The following ANKFN1 variants were observed in gnomAD, a reference collection of about 807,000 sequenced individuals.
ANKFN1 encodes the protein ankyrin repeat and fibronectin type III domain containing 1, also known as ankyrin repeat and fibronectin type-III domain-containing protein 1.
Under a neutral mutation model 108.7 loss-of-function variants are expected in ANKFN1, and 74 were observed. The observed-to-expected ratio is 0.68, with a 90% CI of 0.56 to 0.83. The LOEUF (loss-of-function observed/expected upper bound fraction) is 0.83. ANKFN1 is among the 40% of genes least tolerant of loss of function. ANKFN1 has a pLI of 0.00. For missense variants in ANKFN1, 1,505 were observed against 1,382.3 expected, an observed-to-expected ratio of 1.09 and a Z score of -1.41; for synonymous variants, 547 against 516.2, an observed-to-expected ratio of 1.06 and a Z score of -0.81.
In ANKFN1 at chr17:56,240,146, C is replaced by G. The variant is rs531022417; in HGVS notation, c.53+12189C>G. Among the ~76,000 whole-genome samples the G allele has an allele frequency of 4.1e-4, 62 of 152,088 alleles. 1 individual carries two copies. The South Asian group carries it at 0.012, about 30-fold the overall frequency. On this transcript the variant is annotated intron_variant, in intron 3 of 20. Coordinates refer to ENST00000682825, the MANE Select transcript of ANKFN1 (RefSeq NM_001370326.1). ...TAAATTACTTTAAATATAATTAAGT[C>G]TTCATATGCCCCCTTTCCTGGTCTG...
At chr17:56,379,544 T>C (rs1391810443) in intron 8 of ANKFN1, among the ~76,000 whole-genome samples, 1 of 152,240 alleles carries the variant, frequency 6.6e-6, no homozygotes, top group Admixed American at 6.5e-5. Flanking sequence ...ATTTTGTTTA[T>C]GTGCTCTAAT....
intron 1 of ANKFN1, among the ~76,000 whole-genome samples, chr17:56,158,092 T>C (rs1909283743): frequency 1.3e-5 from 2 of 152,228 alleles, no homozygotes; most frequent in African/African-American, 4.8e-5. Context: ...ACTGATCCAA[T>C]GAACAGATGT....
At chr17:56,050,966 C>T (rs1201502335) in intron 4 of ANKFN1, among the ~76,000 whole-genome samples, 2 of 135,140 alleles carry the variant, frequency 1.5e-5, no homozygotes, top group Non-Finnish European at 3.1e-5. Flanking sequence ...CAGATGGATT[C>T]ACAGCCGAAT....
chr17:56,414,882 TG>T (rs2048195094), intron 8 of ANKFN1, among the ~76,000 whole-genome samples: 1 of 152,012 alleles, frequency 6.6e-6, no homozygotes, highest in South Asian at 2.1e-4. Flanking sequence ...TAGCTAGGTG[TG>T]GTGATGTGTA....
intron 4 of ANKFN1, among the ~76,000 whole-genome samples, chr17:56,337,318 G>T (rs1396578825): frequency 6.6e-6 from 1 of 152,070 alleles, no homozygotes; most frequent in African/African-American, 2.4e-5. Flanking sequence ...TGACAATGGG[G>T]TATTAAAGTC....
At chr17:56,273,938 A>G (rs990562918) in intron 3 of ANKFN1, among the ~76,000 whole-genome samples, 2 of 152,154 alleles carry the variant, frequency 1.3e-5, no homozygotes, top group Admixed American at 1.3e-4. Context: ...CTCTCCCTCT[A>G]TTTCTTGACA....
chr17:56,175,889 G>T (rs1598182357), intron 1 of ANKFN1, among the ~76,000 whole-genome samples: 1 of 118,842 alleles, frequency 8.4e-6, no homozygotes, highest in East Asian at 2.9e-4. Flanking sequence ...CAGACGGTTT[G>T]AAATGGCTAG....
intron 10 of ANKFN1, among the ~76,000 whole-genome samples, chr17:56,448,486 C>G (rs941272332): frequency 1.3e-5 from 2 of 152,174 alleles, no homozygotes; most frequent in African/African-American, 4.8e-5. Flanking sequence ...TGGTTGGTGG[C>G]TCAGAGTATG....
chr17:56,341,013 T>G (rs976642885), intron 4 of ANKFN1, among the ~76,000 whole-genome samples: 10 of 152,006 alleles, frequency 6.6e-5, no homozygotes, highest in Admixed American at 5.9e-4. Flanking sequence ...TGTAGAGATC[T>G]TTCACCCCCC....
At chr17:56,303,131 C>T (rs990027622) in intron 3 of ANKFN1, among the ~76,000 whole-genome samples, 1 of 152,192 alleles carries the variant, frequency 6.6e-6, no homozygotes, top group African/African-American at 2.4e-5. Context: ...AATTTTCAGA[C>T]AAGTAATTTT....
At chr17:56,097,837 C>T (rs1257553945) in intron 4 of ANKFN1, among the ~76,000 whole-genome samples, 4 of 152,170 alleles carry the variant, frequency 2.6e-5, no homozygotes, top group Admixed American at 2.0e-4. Flanking sequence ...TGAAGTGCTG[C>T]TCCCCCAGAT....
At chr17:56,375,276 T>TG (rs1021918743) in intron 8 of ANKFN1, among the ~76,000 whole-genome samples, 1 of 151,964 alleles carries the variant, frequency 6.6e-6, no homozygotes, top group Non-Finnish European at 1.5e-5. Context: ...TGGAAGATAT[T>TG]GGGGGGAAAG....
intron 1 of ANKFN1, among the ~76,000 whole-genome samples, chr17:56,206,743 A>G (rs1442240263): frequency 1.3e-5 from 2 of 152,170 alleles, no homozygotes; most frequent in African/African-American, 4.8e-5. Context: ...CGTGCTTCCC[A>G]TATCCTTTGG....
intron 17 of ANKFN1, 80 bp downstream of exon 17, chr17:56,480,898 T>C: frequency 7.7e-7 from 1 of 1,293,032 alleles, no homozygotes; most frequent in Non-Finnish European, 1.0e-6. Context: ...GGTGTGTGTG[T>C]GTGTGTGTGT....
chr17:56,458,742 C>T lies in ANKFN1; in HGVS notation c.1557+763C>T, dbSNP rs2049801104. On this transcript the variant is annotated intron_variant, in intron 14 of 20. Transcript: ENST00000682825. The stretch of plus-strand genomic sequence containing the variant: ...TGGAGCCATTAAGAGATCGCTGAGC[C>T]TTTATCAGTAACGGGTATCTACCTA... 1.3e-5 allele frequency among the ~76,000 whole-genome samples: 2 copies of T among 152,128 alleles called. 1 individual carries two copies. Among genetic ancestry groups the T allele is most frequent in the South Asian group, 4.1e-4 (2 of 4,824 alleles).
chr17:56,433,114 A>G (rs1290218771), intron 8 of ANKFN1, among the ~76,000 whole-genome samples: 1 of 152,194 alleles, frequency 6.6e-6, no homozygotes, highest in Non-Finnish European at 1.5e-5. Flanking sequence ...CAATTCACAA[A>G]TAATAATAAA....
chr17:56,187,179 C>A (rs995940149), intron 1 of ANKFN1, among the ~76,000 whole-genome samples: 2 of 152,178 alleles, frequency 1.3e-5, no homozygotes, highest in Admixed American at 1.3e-4. Context: ...ATTTTGCAAT[C>A]TACCTATCTG....
intron 3 of ANKFN1, among the ~76,000 whole-genome samples, chr17:56,295,714 TCA>T: frequency 6.6e-6 from 1 of 152,294 alleles, no homozygotes; most frequent in Middle Eastern, 3.4e-3. Flanking sequence ...GAATTTTTTC[TCA>T]CAGTTCTAGA....
chr17:56,466,496 G>C lies in ANKFN1; in HGVS notation c.1698G>C (p.Lys566Asn). ...ATGGCAAATGGATGCAGATCTCAAAGCTGCAAAGCCAGAGAAAGTCTCTAT... is the reference window on the plus strand; with the variant it reads ...ATGGCAAATGGATGCAGATCTCAAACCTGCAAAGCCAGAGAAAGTCTCTAT... The part of the protein sequence containing the change: ...FFNGKWMQIS[K>N]LQSQRKSLST... Residue 566 changes from lysine (K) to asparagine (N), a missense_variant, in exon 15 of 21, where the codon AAG becomes AAC. By Grantham distance (94) the Lys-to-Asn change is moderately conservative. Transcript: ENST00000682825. 6.2e-7 allele frequency: 1 copy of C among 1,614,098 alleles called. No individual in the cohort carries two copies. The highest frequency in any genetic ancestry group is 8.5e-7 in the Non-Finnish European group (1 of 1,180,018).
Sources: gnomAD v4.1 joint callset for allele counts (sites outside exome capture counted in the v4.1 genomes callset) on GRCh38, gnomAD v4.1.1 for gene constraint, MANE v1.5 for transcripts, NCBI Gene and HGNC (gene_info 2026-07-23, HGNC 2026-07-21) for gene names.